The following EBF1 variants were observed in gnomAD, a reference collection of about 807,000 sequenced individuals.
EBF1 encodes the protein EBF transcription factor 1.
In EBF1, 10 loss-of-function variants were observed where a neutral mutation model predicts 68.4. The observed-to-expected ratio is 0.15, with a 90% CI of 0.09 to 0.25. The LOEUF (loss-of-function observed/expected upper bound fraction) is 0.25, where lower values mean the gene tolerates loss of function less well. Among genes scored for constraint, EBF1 ranks in the 10% least tolerant of loss-of-function variants. The pLI is 1.00. For synonymous variants in EBF1, 298 were observed against 299.8 expected, an observed-to-expected ratio of 0.99 and a Z score of 0.06; for missense variants, 509 against 794.4, an observed-to-expected ratio of 0.64 and a Z score of 4.32.
intron 6 of EBF1, among the ~76,000 whole-genome samples, chr5:158,968,461 G>A (rs747383504): frequency 1.3e-5 from 2 of 152,200 alleles, no homozygotes; most frequent in African/African-American, 2.4e-5. Context: ...GAGTTCAAAA[G>A]ATGTCCCTGG....
At chr5:159,023,576 A>G (rs1038168839) in intron 6 of EBF1, among the ~76,000 whole-genome samples, 3 of 152,214 alleles carry the variant, frequency 2.0e-5, no homozygotes, top group Non-Finnish European at 4.4e-5. Flanking sequence ...ACCATAGTGT[A>G]TTGGCAAAGT....
At chr5:158,909,969 A>G (rs1219775727) in intron 6 of EBF1, among the ~76,000 whole-genome samples, 1 of 146,778 alleles carries the variant, frequency 6.8e-6, no homozygotes, top group African/African-American at 2.6e-5. Flanking sequence ...AAAAAAAAAA[A>G]AAAAAAAAAA....
intron 6 of EBF1, among the ~76,000 whole-genome samples, chr5:158,869,295 T>C (rs1207353732): frequency 6.6e-6 from 1 of 152,118 alleles, no homozygotes; most frequent in Non-Finnish European, 1.5e-5. Flanking sequence ...CCCCTGGGAA[T>C]AGAACAATTT....
chr5:158,952,843 C>T (rs934939167), intron 6 of EBF1, among the ~76,000 whole-genome samples: 4 of 152,116 alleles, frequency 2.6e-5, no homozygotes, highest in Middle Eastern at 6.8e-3. Flanking sequence ...CTGAAAACTG[C>T]GGCTAGGGAC....
chr5:159,052,860 C>A (rs1249643469), intron 6 of EBF1, among the ~76,000 whole-genome samples: 2 of 152,142 alleles, frequency 1.3e-5, no homozygotes, highest in East Asian at 3.9e-4. Flanking sequence ...CCTGGCACAT[C>A]TTTTTTGTGG....
chr5:158,739,754 T>G (rs1765915703), intron 10 of EBF1, among the ~76,000 whole-genome samples: 1 of 152,220 alleles, frequency 6.6e-6, no homozygotes, highest in Non-Finnish European at 1.5e-5. Context: ...ATAATTGTTC[T>G]TCAGATTTCT....
intron 8 of EBF1, among the ~76,000 whole-genome samples, chr5:158,803,003 T>C (rs974136005): frequency 2.6e-5 from 4 of 152,120 alleles, no homozygotes; most frequent in African/African-American, 4.8e-5. Context: ...ATGTACTGAG[T>C]AGGTGGAACT....
In EBF1 at chr5:158,698,541, T is replaced by G; in HGVS notation, c.*570A>C. On this transcript the variant is annotated 3_prime_UTR_variant, in exon 16 of 16. Transcript: ENST00000313708. The stretch of plus-strand genomic sequence containing the variant: ...GTTAAGTTAGATATTGAAAATGCAC[T>G]GTCTGAGCTAACTACCATTTGATAT... The G allele has an allele frequency of 4.5e-6, 1 of 221,436 alleles. No individual in the cohort carries two copies. The highest frequency in any genetic ancestry group is 9.1e-6 in the Non-Finnish European group (1 of 110,278). The allele number at this position is 221,436 out of a possible 1,614,324, so 13.7% of individuals were successfully genotyped here. A position where few individuals can be genotyped will look rare whatever the true frequency, so the allele number is the denominator to read the frequency against.
At chr5:158,901,058 C>T (rs1583012939) in intron 6 of EBF1, among the ~76,000 whole-genome samples, 1 of 152,156 alleles carries the variant, frequency 6.6e-6, no homozygotes, top group Non-Finnish European at 1.5e-5. Context: ...GCCCTCAAGG[C>T]AGTCAGTCTA....
At position 158,999,733 on chromosome 5, in the gene EBF1, G is replaced by T. The variant is rs529720663; in HGVS notation, c.554+73663C>A. Among the ~76,000 whole-genome samples the T allele has an allele frequency of 3.9e-5, 6 of 152,244 alleles. No homozygotes were observed. In the South Asian group the frequency reaches 1.2e-3, roughly 32 times the overall value. ...TTTCTTCTTTGAAATGAAGCACAAAGATTCAATAAGAAATAAAAACCTACT... is the reference window on the plus strand; with the variant it reads ...TTTCTTCTTTGAAATGAAGCACAAATATTCAATAAGAAATAAAAACCTACT... On this transcript the variant is annotated intron_variant, in intron 6 of 15. Transcript: ENST00000313708.
intron 6 of EBF1, among the ~76,000 whole-genome samples, chr5:159,070,473 T>C (rs1242760612): frequency 8.5e-5 from 13 of 152,144 alleles, no homozygotes; most frequent in Admixed American, 5.9e-4. Context: ...CAGGCTGATG[T>C]CCCAAAGTCA....
chr5:158,827,250 C>G (rs1786370766), intron 7 of EBF1, among the ~76,000 whole-genome samples: 1 of 152,190 alleles, frequency 6.6e-6, no homozygotes, highest in South Asian at 2.1e-4. Flanking sequence ...CCAGCATACA[C>G]TGTAATTTTA....
chr5:159,018,324 G>T (rs1226167812), intron 6 of EBF1, among the ~76,000 whole-genome samples: 1 of 152,154 alleles, frequency 6.6e-6, no homozygotes, highest in African/African-American at 2.4e-5. Flanking sequence ...TCAAGTCAGG[G>T]TATAAGATAA....
At chr5:159,065,134 T>G (rs921725417) in intron 6 of EBF1, among the ~76,000 whole-genome samples, 10 of 151,826 alleles carry the variant, frequency 6.6e-5, no homozygotes, top group African/African-American at 2.4e-4. Flanking sequence ...TAAAAACAGG[T>G]GGGGAAAATC....
intron 6 of EBF1, among the ~76,000 whole-genome samples, chr5:158,961,917 T>C (rs994714322): frequency 6.6e-6 from 1 of 152,166 alleles, no homozygotes; most frequent in Non-Finnish European, 1.5e-5. Context: ...TTATTCCAGA[T>C]GAAACAGGGA....
chr5:158,996,334 T>C (rs900122436), intron 6 of EBF1, among the ~76,000 whole-genome samples: 4 of 152,226 alleles, frequency 2.6e-5, no homozygotes, highest in African/African-American at 9.6e-5. Context: ...AAATTAGTGA[T>C]GGCTTTGCTA....
intron 6 of EBF1, among the ~76,000 whole-genome samples, chr5:158,840,673 GTTTTTT>G (rs1554157163): frequency 8.7e-5 from 6 of 68,950 alleles, no homozygotes; most frequent in African/African-American, 3.2e-4. Flanking sequence ...TTTTTTTTTT[GTTTTTT>G]TTTTTTTTTT....
intron 9 of EBF1, among the ~76,000 whole-genome samples, chr5:158,783,759 G>A (rs1368315423): frequency 6.6e-6 from 1 of 152,210 alleles, no homozygotes; most frequent in Admixed American, 6.5e-5. Context: ...CAGACATGAA[G>A]GTGGTTGAAT....
At chr5:159,050,153 TC>T (rs1773258178) in intron 6 of EBF1, among the ~76,000 whole-genome samples, 1 of 31,804 alleles carries the variant, frequency 3.1e-5, no homozygotes, top group African/African-American at 1.6e-4. Context: ...CGTTTCTCTT[TC>T]TCTCTCTCTC....
Sources: allele counts gnomAD v4.1 joint callset (sites outside exome capture counted in the v4.1 genomes callset), GRCh38; gene constraint gnomAD v4.1.1; transcripts MANE v1.5; gene names NCBI Gene and HGNC (gene_info 2026-07-23, HGNC 2026-07-21).